The following SNPH variants were observed in gnomAD, a reference collection of about 807,000 sequenced individuals.
SNPH encodes the protein syntaphilin.
Under a neutral mutation model 36.8 loss-of-function variants are expected in SNPH, and 10 were observed. The observed-to-expected ratio is 0.27, with a 90% CI of 0.17 to 0.46. SNPH has a LOEUF of 0.46. Among genes scored for constraint, SNPH ranks in the 20% least tolerant of loss-of-function variants. SNPH has a pLI of 1.00. For missense variants in SNPH, 622 were observed against 744.0 expected (o/e 0.84, Z 1.91); for synonymous variants, 281 against 312.2 (o/e 0.90, Z 1.05).
Position 1,304,529 on chromosome 20 carries a change from T to A in SNPH, c.441-349T>A, listed in dbSNP as rs2088542115. ...GCAGTAGCTATAAAACTTATGAGCA[T>A]CTTTGTTGTCTAGTCTCTTCTCTAG... On this transcript the variant is annotated intron_variant, in intron 6 of 6. Transcript: ENST00000381867. The surrounding 1 kb of genome is among the most constrained non-coding windows in gnomAD (Gnocchi z 4.3). 6.6e-6 allele frequency among the ~76,000 whole-genome samples: 1 copy of A among 152,018 alleles called. No homozygotes were observed. The highest frequency in any genetic ancestry group is 6.6e-5 in the Admixed American group (1 of 15,258).
At chr20:1,289,545 A>G (rs933908751) in intron 2 of SNPH, among the ~76,000 whole-genome samples, 2 of 118,854 alleles carry the variant, frequency 1.7e-5, no homozygotes, top group African/African-American at 5.9e-5. Context: ...ACACACACAC[A>G]CACACACACA....
chr20:1,279,323 C>T (rs562125023), intron 2 of SNPH, among the ~76,000 whole-genome samples: 7 of 152,280 alleles, frequency 4.6e-5, no homozygotes, highest in Non-Finnish European at 7.4e-5. Flanking sequence ...CTAATGATGT[C>T]GAGCATCTTT....
At position 1,299,839 on chromosome 20, in the gene SNPH, T is replaced by C. The variant is rs560528124; in HGVS notation, c.291-723T>C. On this transcript the variant is annotated intron_variant, in intron 5 of 6. Transcript: ENST00000381867. ...GGTGTGAATGGACTGGGAATTGACATCCCAGGAAGTGTGCGTGCATGTAGT... is the reference window on the plus strand; with the variant it reads ...GGTGTGAATGGACTGGGAATTGACACCCCAGGAAGTGTGCGTGCATGTAGT... 8.5e-5 allele frequency among the ~76,000 whole-genome samples: 13 copies of C among 152,276 alleles called. No homozygotes were observed. The South Asian group carries it at 2.3e-3, about 27-fold the overall frequency.
intron 5 of SNPH, among the ~76,000 whole-genome samples, chr20:1,299,804 TG>T (rs1250439675): frequency 6.6e-6 from 1 of 152,224 alleles, no homozygotes; most frequent in Non-Finnish European, 1.5e-5. Flanking sequence ...TCCATGTATG[TG>T]GGCATGCAGG....
intron 2 of SNPH, among the ~76,000 whole-genome samples, chr20:1,279,523 C>T (rs970894691): frequency 2.0e-5 from 3 of 151,962 alleles, no homozygotes; most frequent in African/African-American, 7.3e-5. Context: ...GTAGGGCTTG[C>T]CCCAGAGGGC....
intron 2 of SNPH, among the ~76,000 whole-genome samples, chr20:1,291,438 A>AGGGTTTACT (rs1242135125): frequency 1.3e-5 from 2 of 152,236 alleles, no homozygotes; most frequent in Non-Finnish European, 2.9e-5. Context: ...TAGCCAGTGC[A>AGGGTTTACT]GGGTTTACTG....
rs550968397 is a variant in SNPH at position 1,297,936 on chromosome 20, G to A, written c.290+684G>A. Among the ~76,000 whole-genome samples the A allele has an allele frequency of 3.9e-5, 6 of 152,338 alleles. No homozygotes were observed. The East Asian group carries it at 5.8e-4, about 15-fold the overall frequency. ...CAGAGGTGGAACTGGCTTGGAAGGCGAAATGTTACGAATGCAGCAGATGCC... is the reference window on the plus strand; with the variant it reads ...CAGAGGTGGAACTGGCTTGGAAGGCAAAATGTTACGAATGCAGCAGATGCC... On this transcript the variant is annotated intron_variant, in intron 5 of 6. Transcript: ENST00000381867.
In SNPH at chr20:1,270,683, G is replaced by T. The variant is rs76298278; in HGVS notation, c.-493+3923G>T. On this transcript the variant is annotated intron_variant, in intron 2 of 6. Coordinates refer to ENST00000381867, the MANE Select transcript of SNPH (RefSeq NM_001318234.2). ...TTCCTGTCCTTAAAGCCTTCTAGAA[G>T]CAGGATTTTGAAATTCCTCTGACAA... Among the ~76,000 whole-genome samples, 7 of 152,288 alleles carry T rather than the reference G, an allele frequency of 4.6e-5. No homozygotes were observed. In the East Asian group the frequency reaches 1.4e-3, roughly 29 times the overall value.
intron 2 of SNPH, among the ~76,000 whole-genome samples, chr20:1,269,669 T>C (rs2088049692): frequency 6.6e-6 from 1 of 152,218 alleles, no homozygotes; most frequent in Non-Finnish European, 1.5e-5. Flanking sequence ...TTGAAAACTG[T>C]GTGAACCAGG....
At chr20:1,291,428 T>C (rs1446342270) in intron 2 of SNPH, among the ~76,000 whole-genome samples, 1 of 152,206 alleles carries the variant, frequency 6.6e-6, no homozygotes. Context: ...GATGAGGCCA[T>C]AGCCAGTGCA....
chr20:1,271,183 G>C (rs1331803045), intron 2 of SNPH, among the ~76,000 whole-genome samples: 1 of 152,230 alleles, frequency 6.6e-6, no homozygotes, highest in Non-Finnish European at 1.5e-5. Context: ...GGAGTCAGTA[G>C]ACTTGGGTCC....
At chr20:1,277,214 A>G (rs1446021953) in intron 2 of SNPH, among the ~76,000 whole-genome samples, 1 of 152,216 alleles carries the variant, frequency 6.6e-6, no homozygotes, top group African/African-American at 2.4e-5. Flanking sequence ...GAACCCCCGT[A>G]CCCAGCACAA....
Position 1,266,748 on chromosome 20 carries a change from C to T in SNPH, c.-505C>T. ...TGCGAGCCGGCGGGGCTGCGGAGGG[C>T]CAGTGGACTCAGGTGAGGAGGCCGC... On this transcript the variant is annotated 5_prime_UTR_variant, in exon 2 of 7. Transcript: ENST00000381867. The surrounding 1 kb of genome is among the most constrained non-coding windows in gnomAD (Gnocchi z 6.0). 7.2e-7 allele frequency: 1 copy of T among 1,390,880 alleles called. No homozygotes were observed. The highest frequency in any genetic ancestry group is 9.3e-7 in the Non-Finnish European group (1 of 1,076,170). The allele number at this position is 1,390,880 out of a possible 1,614,324, so 86.2% of individuals were successfully genotyped here.
rs140499293 is a variant in SNPH, at chr20:1,305,256, G to A, written c.819G>A (p.Pro273=). The part of the protein sequence containing the change: ...SDPAVCGDRQ[P]GDPSSGSAED... ...CGGCTGTCTGTGGTGACCGCCAGCCGGGTGATCCCTCCAGCGGCTCTGCTG... is the reference window on the plus strand; with the variant it reads ...CGGCTGTCTGTGGTGACCGCCAGCCAGGTGATCCCTCCAGCGGCTCTGCTG... The change falls in exon 7 of 7, where the codon CCG becomes CCA. Residue 273 remains proline (P), a synonymous_variant. Transcript: ENST00000381867. 202 of 1,610,894 alleles carry A rather than the reference G, an allele frequency of 1.3e-4. No homozygotes were observed. The highest frequency in any genetic ancestry group is 6.6e-4 in the Middle Eastern group (4 of 6,052).
rs368176717 is a variant in SNPH, at chr20:1,284,415, A to G, written c.-492-10536A>G. Reference sequence around the variant, plus strand: ...TAGTCTAGGCATAAGGGACTAAATAAAGCATAAAATGGGCATCCATCCTTA... The same window carrying G: ...TAGTCTAGGCATAAGGGACTAAATAGAGCATAAAATGGGCATCCATCCTTA... On this transcript the variant is annotated intron_variant, in intron 2 of 6. Transcript: ENST00000381867. 2.6e-5 allele frequency among the ~76,000 whole-genome samples: 4 copies of G among 152,336 alleles called. No homozygotes were observed. The East Asian group carries it at 5.8e-4, about 22-fold the overall frequency.
At chr20:1,300,232 C>G (rs2088488499) in intron 5 of SNPH, among the ~76,000 whole-genome samples, 1 of 152,214 alleles carries the variant, frequency 6.6e-6, no homozygotes, top group African/African-American at 2.4e-5. Context: ...GTCCCTACTT[C>G]AGGGCTGCTA....
chr20:1,291,186 T>C (rs6134473), intron 2 of SNPH, among the ~76,000 whole-genome samples: 1 of 152,260 alleles, frequency 6.6e-6, no homozygotes, highest in Admixed American at 6.5e-5. Context: ...CAACCTATGC[T>C]GGTTGCCTGG....
rs543617819 is a variant in SNPH, at chr20:1,303,994, T to C, written c.441-884T>C. On this transcript the variant is annotated intron_variant, in intron 6 of 6. Transcript: ENST00000381867. ...CTCACTCTGGTTTTACCTCTAGACC[T>C]GATGGCATATTTTTCTAACTTACCT... 1.4e-3 allele frequency among the ~76,000 whole-genome samples: 216 copies of C among 152,290 alleles called. 2 individuals are homozygous for C. Among genetic ancestry groups the C allele is most frequent in the African/African-American group, 5.0e-3 (208 of 41,548 alleles).
At chr20:1,272,810 C>G (rs1046361011) in intron 2 of SNPH, among the ~76,000 whole-genome samples, 3 of 152,244 alleles carry the variant, frequency 2.0e-5, no homozygotes, top group African/African-American at 7.2e-5. Context: ...CTTCTGGCTC[C>G]CCCAGCTTCA....
Sources: allele counts gnomAD v4.1 joint callset (sites outside exome capture counted in the v4.1 genomes callset), GRCh38; gene constraint gnomAD v4.1.1; non-coding constraint Gnocchi (gnomAD v3.1); transcripts MANE v1.5; gene names NCBI Gene and HGNC (gene_info 2026-07-23, HGNC 2026-07-21).